The following FAM185A variants were observed in gnomAD, a reference collection of about 807,000 sequenced individuals.
FAM185A encodes the protein protein FAM185A.
Under a neutral mutation model 45.7 loss-of-function variants are expected in FAM185A, and 21 were observed. That is an observed-to-expected ratio of 0.46 (90% CI 0.33 to 0.66). The LOEUF is 0.66. FAM185A is among the 30% of genes least tolerant of loss of function. The pLI, the probability that FAM185A is intolerant of heterozygous loss-of-function variation, is 0.03. For synonymous variants in FAM185A, 117 were observed against 194.0 expected (o/e 0.60, Z 3.30); for missense variants, 305 against 485.4 (o/e 0.63, Z 3.49).
chr7:102,778,730 A>G (rs564746203), intron 6 of FAM185A, among the ~76,000 whole-genome samples: 218 of 152,306 alleles, frequency 1.4e-3, no homozygotes, highest in Non-Finnish European at 1.3e-3. Context: ...GTTACTGGCA[A>G]AAGCTTAAAG....
the FAM185A span, chr7:102,816,306 T>G: frequency 6.6e-6 from 1 of 152,268 alleles, no homozygotes; most frequent in Non-Finnish European, 1.5e-5. Context: ...TAGTCTGAAG[T>G]GCTTTCACAG....
intron 2 of FAM185A, among the ~76,000 whole-genome samples, chr7:102,757,467 G>C (rs968610296): frequency 2.0e-5 from 3 of 152,202 alleles, no homozygotes; most frequent in Non-Finnish European, 2.9e-5. Context: ...ATCTGGTGCA[G>C]AGAAAATGCC....
At chr7:102,837,972 T>A in the FAM185A span, among the ~76,000 whole-genome samples, 1 of 152,210 alleles carries the variant, frequency 6.6e-6, no homozygotes, top group East Asian at 1.9e-4. Context: ...ACAGAATTAG[T>A]TCAAGATGAG....
chr7:102,821,217 A>C, the FAM185A span, among the ~76,000 whole-genome samples: 1 of 152,148 alleles, frequency 6.6e-6, no homozygotes, highest in Non-Finnish European at 1.5e-5. Context: ...CTCCAGACCT[A>C]TCAGGAAGGG....
At chr7:102,843,636 C>T in the FAM185A span, among the ~76,000 whole-genome samples, 1 of 151,974 alleles carries the variant, frequency 6.6e-6, no homozygotes, top group Non-Finnish European at 1.5e-5. Context: ...ATTAGCCAGA[C>T]ATGGTCGTGG....
chr7:102,774,120 A>C (rs1794914913), intron 5 of FAM185A, among the ~76,000 whole-genome samples: 2 of 152,150 alleles, frequency 1.3e-5, no homozygotes, highest in South Asian at 4.1e-4. Context: ...GGTCTTCTTT[A>C]ATTTTTCTCA....
At chr7:102,827,264 G>T in the FAM185A span, 1 of 389,582 alleles carries the variant, frequency 2.6e-6, no homozygotes, top group South Asian at 1.7e-5. Flanking sequence ...GGTCCCCTAG[G>T]CCAACCAGCT....
At chr7:102,821,002 A>G in the FAM185A span, among the ~76,000 whole-genome samples, 1 of 152,270 alleles carries the variant, frequency 6.6e-6, no homozygotes, top group Non-Finnish European at 1.5e-5. Context: ...TAGAAATTCA[A>G]TAATATTACC....
At chr7:102,784,771 A>C (rs1025187080) in intron 6 of FAM185A, among the ~76,000 whole-genome samples, 2 of 152,250 alleles carry the variant, frequency 1.3e-5, no homozygotes, top group African/African-American at 4.8e-5. Flanking sequence ...GAAAACTGGC[A>C]CAAGACAGGG....
At chr7:102,840,664 C>T in the FAM185A span, among the ~76,000 whole-genome samples, 13 of 152,312 alleles carry the variant, frequency 8.5e-5, no homozygotes, top group South Asian at 4.2e-4. Flanking sequence ...GTACTGCTTT[C>T]ACCTCCCATT....
At chr7:102,836,224 A>G in the FAM185A span, among the ~76,000 whole-genome samples, 1 of 152,236 alleles carries the variant, frequency 6.6e-6, no homozygotes, top group African/African-American at 2.4e-5. Context: ...TACAAGGTCT[A>G]TGATACATTC....
chr7:102,760,897 T>A (rs1794073284), intron 3 of FAM185A, among the ~76,000 whole-genome samples: 1 of 152,240 alleles, frequency 6.6e-6, no homozygotes, highest in Non-Finnish European at 1.5e-5. Flanking sequence ...GTGAAGTTGT[T>A]GGATTAAGAT....
At chr7:102,767,660 G>C (rs1422064510) in intron 4 of FAM185A, among the ~76,000 whole-genome samples, 1 of 151,164 alleles carries the variant, frequency 6.6e-6, no homozygotes, top group Non-Finnish European at 1.5e-5. Context: ...CCCTTACAAG[G>C]GTGTTTCAAA....
the FAM185A span, among the ~76,000 whole-genome samples, chr7:102,821,217 A>G: frequency 0.014 from 2,194 of 152,260 alleles, 49 homozygotes; most frequent in African/African-American, 0.049. Context: ...CTCCAGACCT[A>G]TCAGGAAGGG....
intron 6 of FAM185A, among the ~76,000 whole-genome samples, chr7:102,781,077 C>A (rs1795376552): frequency 1.3e-5 from 2 of 152,186 alleles, no homozygotes; most frequent in South Asian, 4.1e-4. Flanking sequence ...GCACAGCAGT[C>A]TGAGATCAAA....
intron 1 of FAM185A, among the ~76,000 whole-genome samples, chr7:102,750,271 G>A (rs1371934474): frequency 6.6e-6 from 1 of 152,154 alleles, no homozygotes; most frequent in Non-Finnish European, 1.5e-5. Context: ...TAAATGGCAA[G>A]CCACTGTGTA....
At chr7:102,830,478 C>T in the FAM185A span, among the ~76,000 whole-genome samples, 1 of 152,160 alleles carries the variant, frequency 6.6e-6, no homozygotes, top group Non-Finnish European at 1.5e-5. Context: ...GTTCTGGGTC[C>T]CTTGACCCAG....
chr7:102,749,260 G>C lies in FAM185A; in HGVS notation c.53G>C (p.Arg18Pro). 1.3e-6 allele frequency: 2 copies of C among 1,550,692 alleles called. No homozygotes were observed. Among genetic ancestry groups the C allele is most frequent in the East Asian group, 2.4e-5 (1 of 40,922 alleles). ...WELGCFRLCL[R>P]QVRLWAGAGR... is the part of the protein sequence containing the mutation. ...CTTGGCTGCTTCCGTCTCTGTCTCC[G>C]TCAGGTCCGACTGTGGGCTGGCGCT... is the stretch of plus-strand genomic sequence containing the variant. Residue 18 changes from arginine (R) to proline (P), a missense_variant, in exon 1 of 8, where the codon CGT (arginine) becomes CCT (proline). Arg to Pro is a moderately radical substitution (Grantham distance 103, BLOSUM62 -2). Coordinates refer to ENST00000413034, the MANE Select transcript of FAM185A (RefSeq NM_001145268.2).
At chr7:102,781,169 G>A (rs1264103100) in intron 6 of FAM185A, among the ~76,000 whole-genome samples, 1 of 152,170 alleles carries the variant, frequency 6.6e-6, no homozygotes, top group Non-Finnish European at 1.5e-5. Context: ...CATGAAGCTC[G>A]AACTGGGTGG....
Sources: allele counts gnomAD v4.1 joint callset (sites outside exome capture counted in the v4.1 genomes callset), GRCh38; gene constraint gnomAD v4.1.1; transcripts MANE v1.5; gene names NCBI Gene and HGNC (gene_info 2026-07-23, HGNC 2026-07-21).